The following GPATCH8 variants were observed in gnomAD, a reference collection of about 807,000 sequenced individuals.
The protein encoded by GPATCH8 is G-patch domain containing 8.
A neutral mutation model predicts 118.3 loss-of-function variants in GPATCH8; 18 were observed. That is an observed-to-expected ratio of 0.15 (90% CI 0.11 to 0.23). The LOEUF is 0.23. GPATCH8 is among the 10% of genes least tolerant of loss of function. GPATCH8 has a pLI of 1.00. For missense variants in GPATCH8, 1,631 were observed against 1,873.8 expected, an observed-to-expected ratio of 0.87 and a Z score of 2.39; for synonymous variants, 659 against 684.7, an observed-to-expected ratio of 0.96 and a Z score of 0.59.
intron 3 of GPATCH8, among the ~76,000 whole-genome samples, chr17:44,452,214 A>G (rs1261513148): frequency 1.4e-5 from 2 of 145,358 alleles, no homozygotes; most frequent in African/African-American, 5.1e-5. Flanking sequence ...TGGAGGTTGC[A>G]GTGAGCCGAG....
At chr17:44,492,465 G>GGAAGGCTGAGGTC (rs1969327295) in intron 1 of GPATCH8, among the ~76,000 whole-genome samples, 2 of 151,508 alleles carry the variant, frequency 1.3e-5, no homozygotes, top group Non-Finnish European at 2.9e-5. Flanking sequence ...CCAGCTACTC[G>GGAAGGCTGAGGTC]GAAGGCTGAG....
chr17:44,497,775 A>T (rs976365380), intron 1 of GPATCH8, among the ~76,000 whole-genome samples: 56 of 151,532 alleles, frequency 3.7e-4, no homozygotes, highest in African/African-American at 1.3e-3. Context: ...CCCCGTCTCT[A>T]AAAAAAGTAC....
chr17:44,453,068 A>G (rs2051175601), intron 3 of GPATCH8, among the ~76,000 whole-genome samples: 1 of 152,146 alleles, frequency 6.6e-6, no homozygotes, highest in South Asian at 2.1e-4. Flanking sequence ...CCTGAGCTCA[A>G]GCATCCACCC....
At chr17:44,433,460 A>G (rs2050390001) in intron 5 of GPATCH8, among the ~76,000 whole-genome samples, 1 of 152,258 alleles carries the variant, frequency 6.6e-6, no homozygotes, top group South Asian at 2.1e-4. Context: ...AAAGCAGAAT[A>G]TAAATTAGTG....
intron 2 of GPATCH8, among the ~76,000 whole-genome samples, chr17:44,470,976 C>G (rs933690169): frequency 3.5e-4 from 53 of 152,138 alleles, no homozygotes; most frequent in African/African-American, 1.2e-3. Context: ...ACATTTGAGA[C>G]CTAAATATCT....
chr17:44,478,766 GTCTC>G (rs771066910), intron 1 of GPATCH8, among the ~76,000 whole-genome samples: 1 of 152,104 alleles, frequency 6.6e-6, no homozygotes, highest in African/African-American at 2.4e-5. Context: ...TAGAGACAGA[GTCTC>G]TCTCTGTCAC....
At chr17:44,442,671 C>T (rs1363032830) in intron 3 of GPATCH8, among the ~76,000 whole-genome samples, 2 of 152,294 alleles carry the variant, frequency 1.3e-5, no homozygotes, top group South Asian at 2.1e-4. Context: ...CACCATATTG[C>T]TCAGGCTGGT....
At chr17:44,486,367 C>T (rs1279440598) in intron 1 of GPATCH8, 5 of 152,160 alleles carry the variant, frequency 3.3e-5, no homozygotes, top group Non-Finnish European at 5.9e-5. Context: ...ATTACAGGCA[C>T]ACAGTCTTTT....
chr17:44,427,307 T>C (rs2050125009), intron 5 of GPATCH8, among the ~76,000 whole-genome samples: 1 of 151,884 alleles, frequency 6.6e-6, no homozygotes, highest in Non-Finnish European at 1.5e-5. Context: ...GAATTATTTT[T>C]ATAGGCTTAT....
At chr17:44,429,316 G>T (rs1159547063) in intron 5 of GPATCH8, among the ~76,000 whole-genome samples, 1 of 151,998 alleles carries the variant, frequency 6.6e-6, no homozygotes, top group Non-Finnish European at 1.5e-5. Flanking sequence ...GAATTTTAAG[G>T]TAAAAAAGGA....
intron 3 of GPATCH8, among the ~76,000 whole-genome samples, chr17:44,439,628 A>G (rs2050622111): frequency 6.6e-6 from 1 of 152,158 alleles, no homozygotes; most frequent in African/African-American, 2.4e-5. Flanking sequence ...AAAACAAAAC[A>G]AAACAAAACA....
chr17:44,466,033 T>C (rs2051750332), intron 2 of GPATCH8: 1 of 152,126 alleles, frequency 6.6e-6, no homozygotes, highest in Non-Finnish European at 1.5e-5. Context: ...CTTTTTTTTT[T>C]CTGATACAGC....
chr17:44,476,368 C>T (rs1967785037), intron 1 of GPATCH8, among the ~76,000 whole-genome samples: 1 of 152,116 alleles, frequency 6.6e-6, no homozygotes, highest in South Asian at 2.1e-4. Flanking sequence ...CCATGCCTGG[C>T]TAATTTTTTG....
In GPATCH8 at chr17:44,395,818, A is replaced by G; in HGVS notation, c.*1750T>C. On this transcript the variant is annotated 3_prime_UTR_variant, in exon 8 of 8. Transcript: ENST00000591680. ...AATTCTAGCCACACGAATAGTTAGGAAAATGCCAAAGTGGGAATTGTTAAC... is the reference window on the plus strand; with the variant it reads ...AATTCTAGCCACACGAATAGTTAGGGAAATGCCAAAGTGGGAATTGTTAAC... 1 of 454,144 alleles carries G rather than the reference A, an allele frequency of 2.2e-6. No homozygotes were observed. Among genetic ancestry groups the G allele is most frequent in the Non-Finnish European group, 4.4e-6 (1 of 226,794 alleles). The allele number at this position is 454,144 out of a possible 1,614,324, so 28.1% of individuals were successfully genotyped here. A position where few individuals can be genotyped will look rare whatever the true frequency, so the allele number is the denominator to read the frequency against.
At chr17:44,503,039 G>A (rs1970212867) in intron 1 of GPATCH8, among the ~76,000 whole-genome samples, 1 of 152,156 alleles carries the variant, frequency 6.6e-6, no homozygotes, top group Admixed American at 6.5e-5. Context: ...GACCTGGAGG[G>A]CACAGCCCCT....
At chr17:44,428,165 C>T (rs981059401) in intron 5 of GPATCH8, among the ~76,000 whole-genome samples, 1 of 151,718 alleles carries the variant, frequency 6.6e-6, no homozygotes, top group African/African-American at 2.4e-5. Flanking sequence ...CACCTGTAGT[C>T]CCAGTTACTT....
chr17:44,490,341 C>T (rs1598630794), intron 1 of GPATCH8, among the ~76,000 whole-genome samples: 1 of 151,904 alleles, frequency 6.6e-6, no homozygotes, highest in Admixed American at 6.6e-5. Context: ...ACAAAAGATG[C>T]TAACAGTAAT....
intron 5 of GPATCH8, among the ~76,000 whole-genome samples, chr17:44,431,364 A>C (rs1175932690): frequency 6.9e-6 from 1 of 145,982 alleles, no homozygotes; most frequent in Non-Finnish European, 1.5e-5. Context: ...ACAGAACAAG[A>C]CTGTCTCAAA....
chr17:44,410,348 G>A (rs1388473925), intron 6 of GPATCH8, among the ~76,000 whole-genome samples: 7 of 152,126 alleles, frequency 4.6e-5, no homozygotes, highest in African/African-American at 9.7e-5. Context: ...AAGAGACAGC[G>A]CTCACAAGAC....
Sources: gnomAD v4.1 joint callset for allele counts (sites outside exome capture counted in the v4.1 genomes callset) on GRCh38, gnomAD v4.1.1 for gene constraint, MANE v1.5 for transcripts, NCBI Gene and HGNC (gene_info 2026-07-23, HGNC 2026-07-21) for gene names.